The following FSTL5 variants were observed in gnomAD, a reference collection of about 807,000 sequenced individuals.
FSTL5 encodes follistatin like 5.
In FSTL5, 62 loss-of-function variants were observed where a neutral mutation model predicts 89.1. That is an observed-to-expected ratio of 0.70 (90% CI 0.57 to 0.86). The LOEUF (loss-of-function observed/expected upper bound fraction) is 0.86, where lower values mean the gene tolerates loss of function less well. FSTL5 is among the 40% of genes least tolerant of loss of function. FSTL5 has a pLI of 0.00. For synonymous variants in FSTL5, 383 were observed against 346.2 expected, an observed-to-expected ratio of 1.11 and a Z score of -1.18; for missense variants, 1,057 against 1,001.6, an observed-to-expected ratio of 1.06 and a Z score of -0.75.
At chr4:161,624,042 T>C (rs923428149) in intron 7 of FSTL5, among the ~76,000 whole-genome samples, 2 of 152,006 alleles carry the variant, frequency 1.3e-5, no homozygotes, top group Non-Finnish European at 2.9e-5. Context: ...TATACTGTTT[T>C]TCATAAGACA....
At chr4:161,423,039 A>G (rs1030543995) in intron 15 of FSTL5, among the ~76,000 whole-genome samples, 8 of 152,216 alleles carry the variant, frequency 5.3e-5, no homozygotes, top group Non-Finnish European at 1.0e-4. Context: ...TGATCTGTGA[A>G]TTAATAATGA....
rs180908336 is a variant in FSTL5 at position 161,721,142 on chromosome 4, G to C, written c.727+38269C>G. Among the ~76,000 whole-genome samples, 1,088 of 151,812 alleles carry C rather than the reference G, an allele frequency of 7.2e-3. 8 individuals carry two copies. The highest frequency in any genetic ancestry group is 0.025 in the African/African-American group (1,042 of 41,424). On this transcript the variant is annotated intron_variant, in intron 6 of 15. Coordinates refer to ENST00000306100, the MANE Select transcript of FSTL5 (RefSeq NM_020116.5). The stretch of plus-strand genomic sequence containing the variant: ...AAATACAAAAAATTAGCCGGGCGCG[G>C]TGGCGGGCGCCTGTAGTCCCAGTTA...
chr4:161,481,007 T>C lies in FSTL5; in HGVS notation c.1608+13A>G. On this transcript the variant is annotated intron_variant, in intron 13 of 15. Coordinates refer to ENST00000306100, the MANE Select transcript of FSTL5 (RefSeq NM_020116.5). The stretch of plus-strand genomic sequence containing the variant: ...TAAAGATTTACTTTTTAAAAAGTAG[T>C]AATTATTCATACCTGAACAACTTTT... 6 of 1,575,940 alleles carry C rather than the reference T, an allele frequency of 3.8e-6. No homozygotes were observed. Among genetic ancestry groups the C allele is most frequent in the Non-Finnish European group, 5.2e-6 (6 of 1,155,982 alleles).
chr4:161,929,165 C>A (rs1734209956), intron 3 of FSTL5, among the ~76,000 whole-genome samples: 1 of 150,970 alleles, frequency 6.6e-6, no homozygotes, highest in Non-Finnish European at 1.5e-5. Flanking sequence ...TCCTTTCTTT[C>A]TCTTTTTTAA....
chr4:161,683,609 T>C (rs1324177638), intron 6 of FSTL5, among the ~76,000 whole-genome samples: 2 of 152,178 alleles, frequency 1.3e-5, no homozygotes, highest in Non-Finnish European at 2.9e-5. Context: ...TATTTTGATA[T>C]ATATGTACAA....
rs896920828 is a variant in FSTL5, at chr4:161,707,253, G to C, written c.728-50759C>G. On this transcript the variant is annotated intron_variant, in intron 6 of 15. Transcript: ENST00000306100. ...AATATTTAATTTTCACGGATCAGGA[G>C]AACATTGTTTGAAATGAAATTTAAA... Among the ~76,000 whole-genome samples the C allele has an allele frequency of 2.6e-5, 4 of 151,800 alleles. No homozygotes were observed. The East Asian group carries it at 7.7e-4, about 29-fold the overall frequency.
chr4:161,681,379 T>A (rs1241616190), intron 6 of FSTL5, among the ~76,000 whole-genome samples: 1 of 152,126 alleles, frequency 6.6e-6, no homozygotes, highest in Non-Finnish European at 1.5e-5. Flanking sequence ...AATTTTTTTC[T>A]AGCTATTTTT....
At chr4:161,772,003 C>A (rs1337063421) in intron 5 of FSTL5, among the ~76,000 whole-genome samples, 3 of 152,016 alleles carry the variant, frequency 2.0e-5, no homozygotes, top group Non-Finnish European at 4.4e-5. Context: ...TTTAGCAGAC[C>A]TTTTTGCTAT....
chr4:161,739,764 T>A (rs1237772454), intron 6 of FSTL5, among the ~76,000 whole-genome samples: 1 of 152,048 alleles, frequency 6.6e-6, no homozygotes, highest in Non-Finnish European at 1.5e-5. Flanking sequence ...TATGTAAAAG[T>A]TATCTCTGTT....
chr4:161,394,630 GT>G (rs1400403136), intron 15 of FSTL5, among the ~76,000 whole-genome samples: 1 of 152,130 alleles, frequency 6.6e-6, no homozygotes, highest in Non-Finnish European at 1.5e-5. Flanking sequence ...ATCAATACTA[GT>G]TAATGTATTA....
intron 2 of FSTL5, among the ~76,000 whole-genome samples, chr4:162,100,414 T>C (rs1043057948): frequency 6.6e-6 from 1 of 151,980 alleles, no homozygotes; most frequent in Non-Finnish European, 1.5e-5. Context: ...CAAAAAATTA[T>C]CCAGGTGTGG....
intron 3 of FSTL5, among the ~76,000 whole-genome samples, chr4:162,013,179 T>C (rs1347896623): frequency 6.8e-6 from 1 of 147,184 alleles, no homozygotes; most frequent in East Asian, 2.0e-4. Context: ...TGAAAGACTC[T>C]GTCTTAAAAA....
Position 161,665,231 on chromosome 4 carries a change from G to A in FSTL5, c.728-8737C>T, listed in dbSNP as rs182112352. On this transcript the variant is annotated intron_variant, in intron 6 of 15. Coordinates refer to ENST00000306100, the MANE Select transcript of FSTL5 (RefSeq NM_020116.5). ...TTTTTTAAAGAATATCAAAGACAGA[G>A]AGAAATCTTTTTTTTGTTGTTTTAT... Among the ~76,000 whole-genome samples, 8 of 152,166 alleles carry A rather than the reference G, an allele frequency of 5.3e-5. 1 individual carries two copies. The highest frequency in any genetic ancestry group is 8.8e-5 in the Non-Finnish European group (6 of 67,968).
intron 8 of FSTL5, among the ~76,000 whole-genome samples, chr4:161,548,166 C>T (rs1468295012): frequency 1.3e-5 from 2 of 151,704 alleles, no homozygotes; most frequent in Non-Finnish European, 2.9e-5. Flanking sequence ...CTGGTAAAAC[C>T]CATCTTTGTA....
At position 161,494,057 on chromosome 4, in the gene FSTL5, C is replaced by T. The variant is rs116729355; in HGVS notation, c.1458+5959G>A. ...TCTTTACATCTACGATGTCAAGCAC[C>T]GATTTCTTAAATTCATTTCTTTTTA... On this transcript the variant is annotated intron_variant, in intron 12 of 15. Coordinates refer to ENST00000306100, the MANE Select transcript of FSTL5 (RefSeq NM_020116.5). Among the ~76,000 whole-genome samples the T allele has an allele frequency of 5.7e-3, 860 of 152,136 alleles. 4 individuals are homozygous for T. The highest frequency in any genetic ancestry group is 0.02 in the African/African-American group (817 of 41,520).
intron 5 of FSTL5, among the ~76,000 whole-genome samples, chr4:161,773,809 T>A (rs1477242516): frequency 6.6e-6 from 1 of 152,162 alleles, no homozygotes; most frequent in African/African-American, 2.4e-5. Context: ...AAAATAGAAC[T>A]ACCATTTGAT....
intron 4 of FSTL5, among the ~76,000 whole-genome samples, chr4:161,883,294 C>T (rs1732693613): frequency 6.6e-6 from 1 of 152,174 alleles, no homozygotes; most frequent in Non-Finnish European, 1.5e-5. Context: ...GAACATTCGG[C>T]TGAACAAGCT....
chr4:161,407,409 G>T (rs537264859), intron 15 of FSTL5, among the ~76,000 whole-genome samples: 1 of 152,142 alleles, frequency 6.6e-6, no homozygotes, highest in Non-Finnish European at 1.5e-5. Flanking sequence ...AGATGCAGTC[G>T]CCGATCCTGA....
intron 2 of FSTL5, among the ~76,000 whole-genome samples, chr4:162,047,964 A>G (rs1178049766): frequency 1.3e-5 from 2 of 152,166 alleles, no homozygotes; most frequent in East Asian, 3.8e-4. Context: ...AGGTTATCAT[A>G]TAAATCAGCC....
Sources: allele counts gnomAD v4.1 joint callset (sites outside exome capture counted in the v4.1 genomes callset), GRCh38; gene constraint gnomAD v4.1.1; transcripts MANE v1.5; gene names NCBI Gene and HGNC (gene_info 2026-07-23, HGNC 2026-07-21).